TSBP1: variants seen among roughly 807,000 people sequenced by gnomAD.
The protein encoded by TSBP1 is testis expressed basic protein 1.
A neutral mutation model predicts 68.8 loss-of-function variants in TSBP1; 56 were observed. The ratio of observed to expected loss-of-function variants is 0.81; its 90% CI spans 0.66 to 1.02. The LOEUF (loss-of-function observed/expected upper bound fraction) is 1.02. Ranked by LOEUF, TSBP1 falls within the 50% of genes least tolerant of loss-of-function variation. The pLI, the probability that TSBP1 is intolerant of heterozygous loss-of-function variation, is 0.00. For missense variants in TSBP1, 502 were observed against 641.2 expected (o/e 0.78, Z 2.34); for synonymous variants, 171 against 208.7 (o/e 0.82, Z 1.56).
chr6:32,369,841 A>T, intron 2 of TSBP1, 56 bp downstream of exon 2: 3 of 1,043,376 alleles, frequency 2.9e-6, no homozygotes, highest in Non-Finnish European at 3.0e-6. Flanking sequence ...GAATCTTGGC[A>T]TCCCTCCCTC....
chr6:32,355,117 C>A lies in TSBP1; in HGVS notation c.259+7G>T. 1 of 1,610,672 alleles carries A rather than the reference C, an allele frequency of 6.2e-7. No homozygotes were observed. Among genetic ancestry groups the A allele is most frequent in the Non-Finnish European group, 8.5e-7 (1 of 1,178,434 alleles). On this transcript the variant is annotated splice_region_variant and intron_variant, in intron 8 of 22. Transcript: ENST00000612031. ...GTAGAATTGAAAGAAAACCACAAAG[C>A]ACTTACCTAGAGAGTTGGTTGATGG...
At chr6:32,339,028 G>A (rs1454743442) in intron 10 of TSBP1, 29 bp from the exon 12 acceptor site, 4 of 1,601,890 alleles carry the variant, frequency 2.5e-6, no homozygotes, top group Non-Finnish European at 3.4e-6. Flanking sequence ...AGGTGAGTTT[G>A]AAGAGAGCAT....
In TSBP1 at chr6:32,339,175, G is replaced by T. The variant is rs142464750; in HGVS notation, c.389-176C>A. 2.0e-3 allele frequency among the ~76,000 whole-genome samples: 302 copies of T among 152,186 alleles called. 4 individuals are homozygous for T. Among genetic ancestry groups the T allele is most frequent in the Admixed American group, 0.019 (292 of 15,290 alleles). On this transcript the variant is annotated intron_variant, in intron 10 of 22. Coordinates refer to ENST00000612031, the Ensembl canonical transcript of TSBP1. ...GACTGTTAAAATCATACTCCCTGCA[G>T]TTATTTTTCTTATTCTTCATTTTCA...
At chr6:32,309,373 C>T (rs948464504) in intron 19 of TSBP1, among the ~76,000 whole-genome samples, 2 of 151,934 alleles carry the variant, frequency 1.3e-5, no homozygotes, top group African/African-American at 2.4e-5. Context: ...GTTCTAACTT[C>T]TTTTTGAGTT....
chr6:32,353,416 A>G (rs1327195368), intron 8 of TSBP1, among the ~76,000 whole-genome samples: 1 of 152,008 alleles, frequency 6.6e-6, no homozygotes, highest in Non-Finnish European at 1.5e-5. Context: ...GAAGAAAATT[A>G]TATTACATTA....
chr6:32,335,542 T>C lies in TSBP1; in HGVS notation c.452-85A>G, dbSNP rs1769551352. Reference sequence around the variant, plus strand: ...TTTATATACTTTAATTTGTATACTTTCCCTAGTAGGAATCTGCATCACTAT... The same window carrying C: ...TTTATATACTTTAATTTGTATACTTCCCCTAGTAGGAATCTGCATCACTAT... On this transcript the variant is annotated intron_variant, in intron 13 of 22. Transcript: ENST00000612031. This position sits in a 1 kb window ranked among gnomAD's most constrained non-coding sequence, Gnocchi z 5.5. The C allele has an allele frequency of 9.9e-7, 1 of 1,013,084 alleles. No individual in the cohort carries two copies. Among genetic ancestry groups the C allele is most frequent in the African/African-American group, 1.7e-5 (1 of 59,422 alleles). The allele number at this position is 1,013,084 out of a possible 1,614,324, so 62.8% of individuals were successfully genotyped here.
chr6:32,344,394 T>C (rs112891419), intron 9 of TSBP1, among the ~76,000 whole-genome samples: 1,532 of 151,570 alleles, frequency 0.01, 28 homozygotes, highest in Admixed American at 0.043. Flanking sequence ...CTTTTAGCCT[T>C]AGGGTAAGTT....
chr6:32,364,768 T>C (rs1773471144), intron 6 of TSBP1, among the ~76,000 whole-genome samples: 2 of 152,310 alleles, frequency 1.3e-5, no homozygotes, highest in South Asian at 4.1e-4. Context: ...GTTACTGAAA[T>C]ATTATTGTGT....
At chr6:32,313,452 T>C (rs370855327) in intron 19 of TSBP1, among the ~76,000 whole-genome samples, 1 of 152,074 alleles carries the variant, frequency 6.6e-6, no homozygotes, top group South Asian at 2.1e-4. Context: ...AGACTTTTTC[T>C]TTTTTTTCCT....
intron 16 of TSBP1, among the ~76,000 whole-genome samples, chr6:32,328,278 C>T (rs1489180844): frequency 2.0e-5 from 3 of 150,734 alleles, no homozygotes; most frequent in East Asian, 2.0e-4. Context: ...GACAGAGTCT[C>T]GCTCTGTCGC....
chr6:32,339,059 A>C, intron 10 of TSBP1, 60 bp from the exon 12 acceptor site: 76 of 1,344,402 alleles, frequency 5.7e-5, no homozygotes, highest in Non-Finnish European at 7.6e-5. Flanking sequence ...TGTTTATCTC[A>C]GGGAGTTTCA....
At chr6:32,368,146 A>G (rs1773982656) in intron 3 of TSBP1, among the ~76,000 whole-genome samples, 189 bp from the exon 4 acceptor site, 1 of 152,210 alleles carries the variant, frequency 6.6e-6, no homozygotes, top group African/African-American at 2.4e-5. Context: ...TGTGTCAATC[A>G]CCAATTTTAT....
intron 22 of TSBP1, among the ~76,000 whole-genome samples, chr6:32,299,341 A>G (rs1765046965): frequency 6.6e-6 from 1 of 152,218 alleles, no homozygotes; most frequent in Admixed American, 6.5e-5. Context: ...CTGTCTTTCA[A>G]AGGTAGTTAT....
intron 2 of TSBP1, among the ~76,000 whole-genome samples, chr6:32,369,206 T>C (rs140684100): frequency 8.4e-4 from 128 of 152,178 alleles, no homozygotes; most frequent in African/African-American, 2.8e-3. Context: ...TCTCCCCAAA[T>C]TAAGTCACTA....
At chr6:32,363,022 T>C (rs1190538170) in intron 6 of TSBP1, among the ~76,000 whole-genome samples, 2 of 152,136 alleles carry the variant, frequency 1.3e-5, no homozygotes, top group East Asian at 3.8e-4. Context: ...CCTTCAGTTA[T>C]GTAAATATTA....
Position 32,343,231 on chromosome 6 carries a change from A to G in TSBP1, c.350-3593T>C. 7.1e-7 allele frequency: 1 copy of G among 1,400,294 alleles called. No individual in the cohort carries two copies. Among genetic ancestry groups the G allele is most frequent in the Non-Finnish European group, 9.4e-7 (1 of 1,068,650 alleles). 86.7% of individuals were successfully genotyped at this position (1,400,294 alleles called of 1,614,324 possible). A position where few individuals can be genotyped will look rare whatever the true frequency, so the allele number is the denominator to read the frequency against. On this transcript the variant is annotated intron_variant, in intron 9 of 22. Coordinates refer to ENST00000612031, the Ensembl canonical transcript of TSBP1. The surrounding 1 kb of genome is among the most constrained non-coding windows in gnomAD (Gnocchi z 4.3). ...CACCAGAGTTTGAAACAAGAAGATA[A>G]ACTTACTCATGGATCCTTGAGGTAA...
At chr6:32,303,533 T>C (rs948345946) in intron 19 of TSBP1, among the ~76,000 whole-genome samples, 1 of 152,194 alleles carries the variant, frequency 6.6e-6, no homozygotes, top group African/African-American at 2.4e-5. Context: ...CATATATTTT[T>C]CATTCTTTTT....
chr6:32,297,700 G>T (rs1434456586), intron 22 of TSBP1, among the ~76,000 whole-genome samples: 1 of 152,170 alleles, frequency 6.6e-6, no homozygotes, highest in Non-Finnish European at 1.5e-5. Flanking sequence ...GATGATGTTT[G>T]TTGGTTTAAT....
intron 9 of TSBP1, among the ~76,000 whole-genome samples, chr6:32,344,497 G>A (rs114539073): frequency 0.011 from 1,731 of 152,022 alleles, 56 homozygotes; most frequent in Middle Eastern, 0.048. Context: ...ACAAACAAGC[G>A]TTTATGGTAC....
Sources: allele counts gnomAD v4.1 joint callset (sites outside exome capture counted in the v4.1 genomes callset), GRCh38; gene constraint gnomAD v4.1.1; non-coding constraint Gnocchi (gnomAD v3.1); transcripts MANE v1.5; gene names NCBI Gene and HGNC (gene_info 2026-07-23, HGNC 2026-07-21).